The following SOCS5 variants were observed in gnomAD, a reference collection of about 807,000 sequenced individuals.
The protein encoded by SOCS5 is suppressor of cytokine signaling 5, also known as CIS-6.
A neutral mutation model predicts 42.8 loss-of-function variants in SOCS5; 32 were observed. The observed-to-expected ratio is 0.75, with a 90% CI of 0.56 to 1.01. The LOEUF (loss-of-function observed/expected upper bound fraction) is 1.01. SOCS5 is among the 50% of genes least tolerant of loss of function. The pLI, the probability that SOCS5 is intolerant of heterozygous loss-of-function variation, is 0.00. For synonymous variants in SOCS5, 283 were observed against 229.6 expected (o/e 1.23, Z -2.10); for missense variants, 627 against 653.0 (o/e 0.96, Z 0.43).
At chr2:46,720,237 GT>G (rs1375219001) in intron 1 of SOCS5, among the ~76,000 whole-genome samples, 2 of 152,126 alleles carry the variant, frequency 1.3e-5, no homozygotes, top group Non-Finnish European at 2.9e-5. Context: ...AATTAAGATT[GT>G]TTTCTTGTAC....
chr2:46,749,958 T>C (rs17822782), intron 1 of SOCS5, among the ~76,000 whole-genome samples: 7,359 of 152,312 alleles, frequency 0.048, 258 homozygotes, highest in Non-Finnish European at 0.08. Flanking sequence ...GGTAACATTT[T>C]TAAAACCTCT....
At chr2:46,705,818 G>A (rs1031544558) in intron 1 of SOCS5, among the ~76,000 whole-genome samples, 4 of 152,152 alleles carry the variant, frequency 2.6e-5, no homozygotes, top group Non-Finnish European at 4.4e-5. Flanking sequence ...TGCCAGATTT[G>A]CAGCTGACTC....
At chr2:46,740,630 G>A in intron 1 of SOCS5, among the ~76,000 whole-genome samples, 1 of 152,302 alleles carries the variant, frequency 6.6e-6, no homozygotes, top group African/African-American at 2.4e-5. Flanking sequence ...TCTAGAAGCA[G>A]AGATACCAGC....
At chr2:46,734,155 G>A (rs973709133) in intron 1 of SOCS5, among the ~76,000 whole-genome samples, 1 of 151,820 alleles carries the variant, frequency 6.6e-6, no homozygotes, top group Admixed American at 6.6e-5. Flanking sequence ...AGCAATAGTT[G>A]GTGCTGTTTT....
intron 1 of SOCS5, among the ~76,000 whole-genome samples, chr2:46,721,563 C>G (rs41363351): frequency 0.048 from 7,308 of 152,176 alleles, 241 homozygotes; most frequent in Middle Eastern, 0.11. Context: ...TAAAAGGAGC[C>G]TAGTGCTTCC....
chr2:46,741,205 T>C (rs1023757663), intron 1 of SOCS5, among the ~76,000 whole-genome samples: 5 of 152,214 alleles, frequency 3.3e-5, no homozygotes, highest in Admixed American at 2.6e-4. Flanking sequence ...GTTTATAATA[T>C]GAAATTAGAT....
intron 1 of SOCS5, among the ~76,000 whole-genome samples, chr2:46,754,565 G>C (rs986808277): frequency 6.6e-6 from 1 of 152,082 alleles, no homozygotes; most frequent in Non-Finnish European, 1.5e-5. Context: ...AACTGGAAGT[G>C]TCTGGGTATA....
intron 1 of SOCS5, among the ~76,000 whole-genome samples, chr2:46,726,290 G>T (rs1205961748): frequency 6.6e-6 from 1 of 151,904 alleles, no homozygotes; most frequent in Non-Finnish European, 1.5e-5. Context: ...TAGAGACGTG[G>T]TTTCACCATA....
At chr2:46,726,973 C>G (rs1381791784) in intron 1 of SOCS5, among the ~76,000 whole-genome samples, 1 of 151,718 alleles carries the variant, frequency 6.6e-6, no homozygotes, top group Non-Finnish European at 1.5e-5. Flanking sequence ...TCAGGCTGGT[C>G]TCGAACTCCC....
intron 1 of SOCS5, among the ~76,000 whole-genome samples, chr2:46,729,183 A>G (rs1240318275): frequency 6.6e-6 from 1 of 152,244 alleles, no homozygotes; most frequent in Non-Finnish European, 1.5e-5. Flanking sequence ...TGTTTGAGAC[A>G]TATGCTATAT....
At chr2:46,753,212 C>T (rs1673662384) in intron 1 of SOCS5, among the ~76,000 whole-genome samples, 1 of 152,176 alleles carries the variant, frequency 6.6e-6, no homozygotes, top group African/African-American at 2.4e-5. Flanking sequence ...TGATTCATTT[C>T]TTCTTATCCT....
At chr2:46,708,413 C>G (rs961183798) in intron 1 of SOCS5, among the ~76,000 whole-genome samples, 1 of 151,924 alleles carries the variant, frequency 6.6e-6, no homozygotes, top group Non-Finnish European at 1.5e-5. Flanking sequence ...GTAATGATAC[C>G]ACAATATCAG....
rs70940637 is a variant in SOCS5, at chr2:46,715,371, C to CAA, written c.-13+15935_-13+15936dup. Among the ~76,000 whole-genome samples the CAA allele has an allele frequency of 2.1e-3, 224 of 108,892 alleles. 1 individual carries two copies. The highest frequency in any genetic ancestry group is 6.7e-3 in the African/African-American group (176 of 26,098). 71.4% of individuals were successfully genotyped at this position (108,892 alleles called of 152,430 possible). ...TGGGTGACAGAGAGTAACACCCTGT[C>CAA]AAAAAAAAAAAAAAGAAAAGAAAAA... On this transcript the variant is annotated intron_variant, in intron 1 of 1. Coordinates refer to ENST00000394861, the MANE Select transcript of SOCS5 (RefSeq NM_144949.3).
In SOCS5 at chr2:46,759,073, G is replaced by T. The variant is rs148061519; in HGVS notation, c.543G>T (p.Leu181Phe). The stretch of plus-strand genomic sequence containing the variant: ...GAAGTCGCTCTCTAAGACAGAGGTT[G>T]CAGGATACTGTGGGCTTGTGTTTTC... ...TVGSRSLRQR[L>F]QDTVGLCFPM... is the part of the protein sequence containing the mutation. The change falls in exon 2 of 2, where the codon TTG (leucine) becomes TTT (phenylalanine). Residue 181 changes from leucine to phenylalanine, a missense_variant. Transcript: ENST00000394861. 21 of 1,613,870 alleles carry T rather than the reference G, an allele frequency of 1.3e-5. No homozygotes were observed. Among genetic ancestry groups the T allele is most frequent in the Middle Eastern group, 1.6e-4 (1 of 6,078 alleles).
intron 1 of SOCS5, among the ~76,000 whole-genome samples, chr2:46,741,564 G>C (rs1572842834): frequency 6.6e-6 from 1 of 152,070 alleles, no homozygotes; most frequent in Non-Finnish European, 1.5e-5. Context: ...ACAATAAATA[G>C]AAACTATCCA....
At chr2:46,743,185 G>A (rs548108163) in intron 1 of SOCS5, among the ~76,000 whole-genome samples, 1 of 152,018 alleles carries the variant, frequency 6.6e-6, no homozygotes, top group African/African-American at 2.4e-5. Context: ...CAGGAAAGGG[G>A]TCCCGATCCA....
rs75868246 is a variant in SOCS5, at chr2:46,715,652, T to A, written c.-13+16203T>A. ...ACTATCTTCTTGTTTGTATAGTTTC[T>A]GACAAGAAGTTTGTTGTAATTCTTG... On this transcript the variant is annotated intron_variant, in intron 1 of 1. Coordinates refer to ENST00000394861, the MANE Select transcript of SOCS5 (RefSeq NM_144949.3). 5.8e-4 allele frequency among the ~76,000 whole-genome samples: 89 copies of A among 152,326 alleles called. 1 individual carries two copies. In the East Asian group the frequency reaches 0.015, roughly 26 times the overall value.
At chr2:46,726,287 G>A (rs924672758) in intron 1 of SOCS5, among the ~76,000 whole-genome samples, 2 of 151,886 alleles carry the variant, frequency 1.3e-5, no homozygotes, top group African/African-American at 4.8e-5. Flanking sequence ...TAGTAGAGAC[G>A]TGGTTTCACC....
chr2:46,707,658 CACAA>C (rs1488463761), intron 1 of SOCS5, among the ~76,000 whole-genome samples: 1 of 152,138 alleles, frequency 6.6e-6, no homozygotes, highest in Non-Finnish European at 1.5e-5. Flanking sequence ...TGGGAAGTAA[CACAA>C]ACACTTTTGT....
Sources: gnomAD v4.1 joint callset for allele counts (sites outside exome capture counted in the v4.1 genomes callset) on GRCh38, gnomAD v4.1.1 for gene constraint, MANE v1.5 for transcripts, NCBI Gene and HGNC (gene_info 2026-07-23, HGNC 2026-07-21) for gene names.